PRR12: variants seen among roughly 807,000 people sequenced by gnomAD.
PRR12 encodes the protein proline rich 12.
PRR12 carries 12 observed loss-of-function variants against 138.0 expected under a neutral mutation model. The observed-to-expected ratio is 0.09, with a 90% confidence interval of 0.06 to 0.14. The LOEUF is 0.14. Ranked by LOEUF, PRR12 falls within the 10% of genes least tolerant of loss-of-function variation. PRR12 has a pLI of 1.00. For missense variants in PRR12, 2,692 were observed against 2,861.3 expected (o/e 0.94, Z 1.35); for synonymous variants, 1,567 against 1,291.7 (o/e 1.21, Z -4.57).
chr19:49,594,374 C>A lies in PRR12; in HGVS notation c.200-80C>A. ...CCCCTCCTTTTCCTGATCCAACTTG[C>A]TTTTGGCCTCTTCCCTTTCTCTCTT... On this transcript the variant is annotated intron_variant, in intron 2 of 13. Transcript: ENST00000418929. This position sits in a 1 kb window ranked among gnomAD's most constrained non-coding sequence, Gnocchi z 5.6. 1 of 1,388,912 alleles carries A rather than the reference C, an allele frequency of 7.2e-7. No homozygotes were observed. 86.0% of individuals were successfully genotyped at this position (1,388,912 alleles called of 1,614,324 possible).
intron 6 of PRR12, among the ~76,000 whole-genome samples, chr19:49,613,504 A>T (rs1305503516): frequency 1.3e-5 from 2 of 152,130 alleles, no homozygotes; most frequent in African/African-American, 4.8e-5. Flanking sequence ...CACGTCCATC[A>T]GTTGCCATCG....
chr19:49,622,050 A>G (rs1005048591), intron 11 of PRR12, among the ~76,000 whole-genome samples: 11 of 152,088 alleles, frequency 7.2e-5, no homozygotes, highest in Non-Finnish European at 4.4e-5. Flanking sequence ...TCTGAAATCC[A>G]GTGTTAAACT....
At position 49,594,488 on chromosome 19, in the gene PRR12, C is replaced by T. The variant is rs757666286; in HGVS notation, c.234C>T (p.His78=). The change falls in exon 3 of 14, where the codon CAC becomes CAT. Residue 78 remains histidine (H), a synonymous_variant. Transcript: ENST00000418929. This position sits in a 1 kb window ranked among gnomAD's most constrained non-coding sequence, Gnocchi z 5.6. ...LSGLFDTGLH[H]AGSAGPDASV... ...GACTCTTCGACACTGGCCTCCACCA[C>T]GCGGGCTCAGCAGGGCCCGACGCCT... is the stretch of plus-strand genomic sequence containing the variant. 11 of 1,612,448 alleles carry T rather than the reference C, an allele frequency of 6.8e-6. No individual in the cohort carries two copies. The South Asian group carries it at 7.7e-5, about 11-fold the overall frequency.
rs185004835 is a variant in PRR12, at chr19:49,621,702, C to T, written c.5721+80C>T. The T allele has an allele frequency of 3.2e-3, 3,773 of 1,163,762 alleles. 8 individuals carry two copies. Among genetic ancestry groups the T allele is most frequent in the Non-Finnish European group, 4.1e-3 (3,312 of 810,934 alleles). 72.1% of individuals were successfully genotyped at this position (1,163,762 alleles called of 1,614,324 possible). A position where few individuals can be genotyped will look rare whatever the true frequency, so the allele number is the denominator to read the frequency against. ...ACATGTACGTGTCGGCCGCTGTTGGCGGGGGTGATCCTTGGAAGGAGATCG... is the reference window on the plus strand; with the variant it reads ...ACATGTACGTGTCGGCCGCTGTTGGTGGGGGTGATCCTTGGAAGGAGATCG... On this transcript the variant is annotated intron_variant, in intron 11 of 13. Transcript: ENST00000418929.
rs1023312441 is a variant in PRR12, at chr19:49,601,523, A to G, written c.4378A>G (p.Thr1460Ala). The G allele has an allele frequency of 2.1e-6, 3 of 1,412,162 alleles. No individual in the cohort carries two copies. In the East Asian group the frequency reaches 8.8e-5, roughly 41 times the overall value. The allele number at this position is 1,412,162 out of a possible 1,614,324, so 87.5% of individuals were successfully genotyped here. Residue 1460 changes from threonine to alanine, a missense_variant, in exon 6 of 14, where the codon ACT becomes GCT. This residue lies in a region of PRR12 where 231 missense variants were observed against 200.8 expected (regional missense o/e 1.15). Transcript: ENST00000418929. Reference sequence around the variant, plus strand: ...GCTGCTGGAGGAGAAACCCCCACCCACTCCACCTCCTGCCCCGACTCCTCA... The same window carrying G: ...GCTGCTGGAGGAGAAACCCCCACCCGCTCCACCTCCTGCCCCGACTCCTCA... ...PPLLEEKPPP[T>A]PPPAPTPQPQ...
chr19:49,608,490 C>A (rs1388999592), intron 6 of PRR12, among the ~76,000 whole-genome samples: 3 of 152,066 alleles, frequency 2.0e-5, no homozygotes. Flanking sequence ...CCTGCCTCAG[C>A]CTCCCGAGTA....
At chr19:49,593,298 A>G in intron 1 of PRR12, 29 bp from the exon 2 acceptor site, 1 of 1,121,830 alleles carries the variant, frequency 8.9e-7, no homozygotes, top group African/African-American at 1.6e-5. Flanking sequence ...GCTTGGAAGA[A>G]CCCCCTGACG....
Position 49,594,389 on chromosome 19 carries a change from C to T in PRR12, c.200-65C>T, listed in dbSNP as rs2080749916. On this transcript the variant is annotated intron_variant, in intron 2 of 13. Coordinates refer to ENST00000418929, the MANE Select transcript of PRR12 (RefSeq NM_020719.3). This position sits in a 1 kb window ranked among gnomAD's most constrained non-coding sequence, Gnocchi z 5.6. ...ATCCAACTTGCTTTTGGCCTCTTCC[C>T]TTTCTCTCTTGACTGTATCCTACCC... 4.1e-6 allele frequency: 6 copies of T among 1,459,002 alleles called. No homozygotes were observed. The highest frequency in any genetic ancestry group is 2.3e-5 in the East Asian group (1 of 42,908). The allele number at this position is 1,459,002 out of a possible 1,614,324, so 90.4% of individuals were successfully genotyped here.
Position 49,599,430 on chromosome 19 carries a change from G to C in PRR12, c.3837G>C (p.Ser1279=). The C allele has an allele frequency of 1.2e-6, 2 of 1,608,848 alleles. No individual in the cohort carries two copies. The highest frequency in any genetic ancestry group is 1.7e-6 in the Non-Finnish European group (2 of 1,177,992). The change falls in exon 5 of 14, where the codon TCG becomes TCC. Residue 1279 remains serine (S), a synonymous_variant. Coordinates refer to ENST00000418929, the MANE Select transcript of PRR12 (RefSeq NM_020719.3). This position sits in a 1 kb window ranked among gnomAD's most constrained non-coding sequence, Gnocchi z 5.0. The part of the protein sequence containing the change: ...EVEEKQPEMK[S]GFMASFLDFL... ...AGGAGAAGCAGCCGGAGATGAAGTCGGGTTTCATGGCCTCCTTCTTGGACT... is the reference window on the plus strand; with the variant it reads ...AGGAGAAGCAGCCGGAGATGAAGTCCGGTTTCATGGCCTCCTTCTTGGACT...
chr19:49,601,988 A>G, intron 6 of PRR12, 70 bp downstream of exon 6: 11 of 1,529,830 alleles, frequency 7.2e-6, no homozygotes, highest in Middle Eastern at 2.3e-4. Context: ...TGCCCGCTGG[A>G]TGACAGGCTT....
chr19:49,603,707 A>G (rs770767729), intron 6 of PRR12, among the ~76,000 whole-genome samples: 1 of 152,182 alleles, frequency 6.6e-6, no homozygotes, highest in Non-Finnish European at 1.5e-5. Flanking sequence ...CGAAAAAATA[A>G]TAATAATAAT....
chr19:49,622,954 GAGAA>G (rs549384587), intron 11 of PRR12, among the ~76,000 whole-genome samples: 6,400 of 104,890 alleles, frequency 0.061, 160 homozygotes, highest in African/African-American at 0.081. Flanking sequence ...GAGAGAGAGA[GAGAA>G]AGAGAGAGAG....
rs112957004 is a variant in PRR12 at position 49,595,859 on chromosome 19, G to T, written c.1524G>T (p.Gly508=). 6.9e-6 allele frequency: 11 copies of T among 1,601,922 alleles called. No homozygotes were observed. The African/African-American group carries it at 8.0e-5, about 12-fold the overall frequency. ...ACCAGCTGCAGGGGCAGCTGTATGGGGTGCAGGGCGAGCCATACCCAGGGC... is the reference window on the plus strand; with the variant it reads ...ACCAGCTGCAGGGGCAGCTGTATGGTGTGCAGGGCGAGCCATACCCAGGGC... ...SPDQLQGQLY[G]VQGEPYPGPA... The change falls in exon 4 of 14, where the codon GGG becomes GGT. Residue 508 remains glycine (G), a synonymous_variant. Coordinates refer to ENST00000418929, the MANE Select transcript of PRR12 (RefSeq NM_020719.3).
At chr19:49,600,003 T>C in intron 5 of PRR12, 65 bp downstream of exon 5, 8 of 1,440,026 alleles carry the variant, frequency 5.6e-6, no homozygotes, top group South Asian at 1.4e-5. Flanking sequence ...AGGTAACAGT[T>C]GTGCAGGTTA....
In PRR12 at chr19:49,595,609, C is replaced by T. The variant is rs377594929; in HGVS notation, c.1274C>T (p.Ala425Val). The T allele has an allele frequency of 3.9e-5, 63 of 1,607,084 alleles. No individual in the cohort carries two copies. Among genetic ancestry groups the T allele is most frequent in the East Asian group, 4.5e-5 (2 of 44,806 alleles). Residue 425 changes from alanine (A) to valine (V), a missense_variant, in exon 4 of 14, where the codon GCC (alanine) becomes GTC (valine). Ala to Val is a moderately conservative substitution (Grantham distance 64, BLOSUM62 0). Coordinates refer to ENST00000418929, the MANE Select transcript of PRR12 (RefSeq NM_020719.3). ...PKCQSLGGPA[A>V]AYATGKASGA... ...TGTCAGAGCCTGGGTGGGCCAGCAG[C>T]CGCCTATGCCACTGGGAAGGCCTCT... is the stretch of plus-strand genomic sequence containing the variant.
In PRR12 at chr19:49,616,273, G is replaced by A; in HGVS notation, c.5497+54G>A. On this transcript the variant is annotated intron_variant, in intron 9 of 13. Transcript: ENST00000418929. The surrounding 1 kb of genome is among the most constrained non-coding windows in gnomAD (Gnocchi z 4.2). Reference sequence around the variant, plus strand: ...AGGGGTGGGTGGGGAAGGGACACAGGTGAGGGCTGTCCAGAGGGCTCCAGG... The same window carrying A: ...AGGGGTGGGTGGGGAAGGGACACAGATGAGGGCTGTCCAGAGGGCTCCAGG... 7.0e-7 allele frequency: 1 copy of A among 1,435,234 alleles called. No homozygotes were observed. Among genetic ancestry groups the A allele is most frequent in the Non-Finnish European group, 9.3e-7 (1 of 1,080,364 alleles). The allele number at this position is 1,435,234 out of a possible 1,614,324, so 88.9% of individuals were successfully genotyped here.
In PRR12 at chr19:49,595,370, G is replaced by A; in HGVS notation, c.1035G>A (p.Glu345=). 6.5e-7 allele frequency: 1 copy of A among 1,539,858 alleles called. No homozygotes were observed. Among genetic ancestry groups the A allele is most frequent in the Non-Finnish European group, 8.8e-7 (1 of 1,142,210 alleles). The change falls in exon 4 of 14, where the codon GAG becomes GAA. Residue 345 remains glutamate (E), a synonymous_variant. Coordinates refer to ENST00000418929, the MANE Select transcript of PRR12 (RefSeq NM_020719.3). Reference sequence around the variant, plus strand: ...GGGAGCCCTCCCCGGGTGCTGGGGAGCCTAGCAAGGCTGGTCCCAGCGGAG... The same window carrying A: ...GGGAGCCCTCCCCGGGTGCTGGGGAACCTAGCAAGGCTGGTCCCAGCGGAG... ...GGGEPSPGAG[E]PSKAGPSGAT...
Position 49,596,184 on chromosome 19 carries a change from G to A in PRR12, c.1849G>A (p.Gly617Ser). The A allele has an allele frequency of 6.2e-7, 1 of 1,610,310 alleles. No individual in the cohort carries two copies. ...TGCAGCCGGAGCAGGTGGCTACAAG[G>A]GCAAGGGGGATGGCTCGGAGCTGCT... ...SYAAGAGGYKGKGDGSELLAG... is the reference protein window; with the variant it reads ...SYAAGAGGYKSKGDGSELLAG... Residue 617 changes from glycine (G) to serine (S), a missense_variant, in exon 4 of 14, where the codon GGC becomes AGC. By Grantham distance (56) the Gly-to-Ser change is moderately conservative. Transcript: ENST00000418929. This position sits in a 1 kb window ranked among gnomAD's most constrained non-coding sequence, Gnocchi z 5.6.
intron 9 of PRR12, 62 bp from the exon 10 acceptor site, chr19:49,620,290 T>A: frequency 6.2e-7 from 1 of 1,601,352 alleles, no homozygotes; most frequent in Non-Finnish European, 8.5e-7. Context: ...GAACAGTGTC[T>A]GCCACACAGG....
Sources: gnomAD v4.1 joint callset for allele counts (sites outside exome capture counted in the v4.1 genomes callset) on GRCh38, gnomAD v4.1.1 for gene constraint, gnomAD v4.1.1 regional missense constraint, Gnocchi (gnomAD v3.1) non-coding constraint, MANE v1.5 for transcripts, NCBI Gene and HGNC (gene_info 2026-07-23, HGNC 2026-07-21) for gene names.